DLG1: variants seen among roughly 807,000 people sequenced by gnomAD.
The protein encoded by DLG1 is disks large homolog 1.
In DLG1, 42 loss-of-function variants were observed where a neutral mutation model predicts 123.4. That is an observed-to-expected ratio of 0.34 (90% CI 0.27 to 0.44). The LOEUF (loss-of-function observed/expected upper bound fraction) is 0.44. Ranked by LOEUF, DLG1 falls within the 20% of genes least tolerant of loss-of-function variation. DLG1 has a pLI of 1.00. For missense variants in DLG1, 942 were observed against 1,082.6 expected (o/e 0.87, Z 1.82); for synonymous variants, 317 against 356.2 (o/e 0.89, Z 1.24).
intron 5 of DLG1, among the ~76,000 whole-genome samples, chr3:197,186,486 T>C (rs866273123): frequency 7.2e-5 from 11 of 152,220 alleles, no homozygotes; most frequent in Non-Finnish European, 8.8e-5. Flanking sequence ...AGAGTGATAA[T>C]ATAATCTATA....
intron 5 of DLG1, among the ~76,000 whole-genome samples, chr3:197,181,440 T>G (rs189549879): frequency 1.3e-5 from 2 of 152,182 alleles, no homozygotes; most frequent in Admixed American, 6.5e-5. Flanking sequence ...GCTCTAAGTA[T>G]GAAATTTCAA....
intron 4 of DLG1, among the ~76,000 whole-genome samples, chr3:197,224,701 A>C (rs1298610507): frequency 6.6e-6 from 1 of 152,230 alleles, no homozygotes; most frequent in African/African-American, 2.4e-5. Context: ...TGACAAAACA[A>C]AGAACTTAAT....
intron 4 of DLG1, among the ~76,000 whole-genome samples, chr3:197,275,677 G>A (rs1478920738): frequency 6.6e-6 from 1 of 152,134 alleles, no homozygotes; most frequent in Non-Finnish European, 1.5e-5. Context: ...ACTCATATGT[G>A]GAAGCTAAAA....
At chr3:197,239,970 C>T (rs981707434) in intron 4 of DLG1, among the ~76,000 whole-genome samples, 4 of 152,028 alleles carry the variant, frequency 2.6e-5, no homozygotes, top group African/African-American at 9.7e-5. Context: ...TGTTTCTACA[C>T]TGGAAAAAGT....
At chr3:197,120,035 G>A (rs780783499) in intron 11 of DLG1, among the ~76,000 whole-genome samples, 3 of 152,052 alleles carry the variant, frequency 2.0e-5, no homozygotes, top group Non-Finnish European at 2.9e-5. Context: ...CAAGGCAGGC[G>A]GATCACCTGA....
chr3:197,104,917 T>C lies in DLG1; in HGVS notation c.1532A>G (p.Gln511Arg). Reference sequence around the variant, plus strand: ...AATGTTATTACCTTCAGGTCGATATTGTGCAACAATTGTGACAGCCTGGCC... The same window carrying C: ...AATGTTATTACCTTCAGGTCGATATCGTGCAACAATTGTGACAGCCTGGCC... ...NAGQAVTIVA[Q>R]YRPEEYSRFE... Residue 511 changes from glutamine to arginine, a missense_variant, in exon 14 of 25, where the codon CAA (glutamine) becomes CGA (arginine). Physicochemically the swap from Gln to Arg is conservative, Grantham distance 43. Transcript: ENST00000667157. 1.9e-6 allele frequency: 3 copies of C among 1,611,840 alleles called. No individual in the cohort carries two copies. The highest frequency in any genetic ancestry group is 2.5e-6 in the Non-Finnish European group (3 of 1,178,390).
At chr3:197,087,073 A>G (rs921897166) in intron 15 of DLG1, among the ~76,000 whole-genome samples, 1 of 151,700 alleles carries the variant, frequency 6.6e-6, no homozygotes, top group Non-Finnish European at 1.5e-5. Context: ...CCTACTACCC[A>G]ACCCAAGACT....
intron 1 of DLG1, chr3:197,297,713 G>A (rs1442369743): frequency 4.1e-6 from 4 of 987,366 alleles, no homozygotes; most frequent in Non-Finnish European, 4.8e-6. Context: ...TCCAGCGGGG[G>A]CCGGACAGGG....
chr3:197,215,650 C>T (rs1733772459), intron 4 of DLG1, among the ~76,000 whole-genome samples: 1 of 151,990 alleles, frequency 6.6e-6, no homozygotes, highest in South Asian at 2.1e-4. Context: ...TCCTAATGTG[C>T]TGAACCAAAA....
intron 4 of DLG1, among the ~76,000 whole-genome samples, chr3:197,244,134 C>T (rs547624013): frequency 5.9e-5 from 9 of 152,160 alleles, no homozygotes; most frequent in Admixed American, 1.3e-4. Flanking sequence ...CAAGAAATGC[C>T]AAGTTTTCCC....
chr3:197,225,369 GAGT>G (rs777029726), intron 4 of DLG1, among the ~76,000 whole-genome samples: 64 of 152,298 alleles, frequency 4.2e-4, no homozygotes, highest in Non-Finnish European at 6.2e-4. Context: ...TATAGGAAAT[GAGT>G]AGTAAAGTCA....
chr3:197,081,241 T>C (rs1750963461), intron 16 of DLG1, 124 bp from the exon 17 acceptor site: 1 of 780,222 alleles, frequency 1.3e-6, no homozygotes, highest in African/African-American at 1.8e-5. Context: ...AAGAGTCATC[T>C]AGGTTTGCAT....
intron 15 of DLG1, among the ~76,000 whole-genome samples, chr3:197,089,729 G>GA (rs1268233292): frequency 6.6e-6 from 1 of 151,286 alleles, no homozygotes; most frequent in Non-Finnish European, 1.5e-5. Context: ...CAAAAAAAAA[G>GA]AAAGTGTAAA....
chr3:197,194,556 G>T lies in DLG1; in HGVS notation c.352C>A (p.Gln118Lys). Residue 118 changes from glutamine to lysine, a missense_variant, in exon 5 of 25, where the codon CAA becomes AAA. By Grantham distance (53) the Gln-to-Lys change is moderately conservative. Transcript: ENST00000667157. ...YRYQDEDTPP[Q>K]EHISPQITNE... The stretch of plus-strand genomic sequence containing the variant: ...GTGATTTGTGGGGAAATATGCTCTT[G>T]AGGAGGTGTATCTTCATCCTGATAC... The T allele has an allele frequency of 6.2e-7, 1 of 1,604,560 alleles. No homozygotes were observed. Among genetic ancestry groups the T allele is most frequent in the South Asian group, 1.1e-5 (1 of 88,866 alleles).
intron 14 of DLG1, among the ~76,000 whole-genome samples, chr3:197,102,958 T>G (rs1009902280): frequency 2.0e-5 from 3 of 152,172 alleles, no homozygotes; most frequent in African/African-American, 7.2e-5. Context: ...ACAGGACATT[T>G]TTACAGGTTT....
intron 11 of DLG1, among the ~76,000 whole-genome samples, chr3:197,129,473 A>G (rs1579905773): frequency 6.6e-6 from 1 of 152,316 alleles, no homozygotes; most frequent in Middle Eastern, 3.4e-3. Context: ...TGATCTATCT[A>G]GACCACTTCA....
intron 4 of DLG1, among the ~76,000 whole-genome samples, chr3:197,200,205 CTAAG>C (rs1209567604): frequency 6.6e-6 from 1 of 152,010 alleles, no homozygotes; most frequent in Non-Finnish European, 1.5e-5. Flanking sequence ...AGGCCAAAAA[CTAAG>C]TATTTAATAA....
intron 4 of DLG1, among the ~76,000 whole-genome samples, chr3:197,200,611 C>A (rs967236614): frequency 2.0e-5 from 3 of 152,066 alleles, no homozygotes; most frequent in Non-Finnish European, 4.4e-5. Flanking sequence ...ACAGCACCAT[C>A]AAAAATATAA....
At chr3:197,276,001 ATAAT>A (rs151160516) in intron 4 of DLG1, among the ~76,000 whole-genome samples, 217 of 152,330 alleles carry the variant, frequency 1.4e-3, no homozygotes, top group African/African-American at 5.1e-3. Flanking sequence ...ATAAATATGT[ATAAT>A]TATTTATCAA....
Sources: gnomAD v4.1 joint callset for allele counts (sites outside exome capture counted in the v4.1 genomes callset) on GRCh38, gnomAD v4.1.1 for gene constraint, MANE v1.5 for transcripts, NCBI Gene and HGNC (gene_info 2026-07-23, HGNC 2026-07-21) for gene names.